FBXO25: variants seen among roughly 807,000 people sequenced by gnomAD.
FBXO25 encodes the protein F-box protein 25, also known as F-box only protein 25.
A neutral mutation model predicts 51.9 loss-of-function variants in FBXO25; 45 were observed. That is an observed-to-expected ratio of 0.87 (90% CI 0.68 to 1.11). The LOEUF (loss-of-function observed/expected upper bound fraction) is 1.11. FBXO25 is among the 50% of genes most tolerant of loss of function. The pLI is 0.00. For synonymous variants in FBXO25, 199 were observed against 151.0 expected (o/e 1.32, Z -2.33); for missense variants, 507 against 428.5 (o/e 1.18, Z -1.62).
chr8:461,912 AGTTT>A (rs1375004650), intron 8 of FBXO25, among the ~76,000 whole-genome samples: 1 of 152,206 alleles, frequency 6.6e-6, no homozygotes, highest in African/African-American at 2.4e-5. Context: ...ATTGACATTT[AGTTT>A]GTTTGATAAA....
At chr8:446,513 C>G (rs1443185348) in intron 5 of FBXO25, among the ~76,000 whole-genome samples, 1 of 152,128 alleles carries the variant, frequency 6.6e-6, no homozygotes, top group African/African-American at 2.4e-5. Flanking sequence ...ATCCGCCAGT[C>G]CAGCTATTAT....
rs530270184 is a variant in FBXO25 at position 470,955 on chromosome 8, G to A, written c.*2151G>A. 1 of 152,108 alleles carries A rather than the reference G, an allele frequency of 6.6e-6. No homozygotes were observed. Among genetic ancestry groups the A allele is most frequent in the Non-Finnish European group, 1.5e-5 (1 of 68,010 alleles). 9.4% of individuals were successfully genotyped at this position (152,108 alleles called of 1,614,324 possible). Reference sequence around the variant, plus strand: ...CTTCTTAAAAGGAAACTATCCTTTTGAAGTTGTGGTTCTTTCCCCTAATTT... The same window carrying A: ...CTTCTTAAAAGGAAACTATCCTTTTAAAGTTGTGGTTCTTTCCCCTAATTT... On this transcript the variant is annotated 3_prime_UTR_variant, in exon 10 of 10. Coordinates refer to ENST00000350302, the MANE Select transcript of FBXO25 (RefSeq NM_183420.2).
intron 9 of FBXO25, among the ~76,000 whole-genome samples, chr8:467,132 A>G (rs1196800464): frequency 3.3e-5 from 5 of 152,122 alleles, no homozygotes; most frequent in Admixed American, 2.0e-4. Flanking sequence ...CCGCTTTGCT[A>G]GTAGCATCCT....
At chr8:407,470 G>A (rs1040879869) in intron 1 of FBXO25, 14 of 980,494 alleles carry the variant, frequency 1.4e-5, no homozygotes, top group Non-Finnish European at 1.7e-5. Context: ...AGCTGCGGGC[G>A]AGTCGGGTGG....
At chr8:407,906 C>G (rs904020765) in intron 1 of FBXO25, among the ~76,000 whole-genome samples, 9 of 152,166 alleles carry the variant, frequency 5.9e-5, no homozygotes, top group African/African-American at 2.2e-4. Context: ...GTCCTTGGGC[C>G]TATTCAAACT....
At position 470,008 on chromosome 8, in the gene FBXO25, T is replaced by C. The variant is rs1343285463; in HGVS notation, c.*1204T>C. 1.3e-5 allele frequency: 2 copies of C among 152,192 alleles called. No individual in the cohort carries two copies. Among genetic ancestry groups the C allele is most frequent in the Non-Finnish European group, 2.9e-5 (2 of 68,038 alleles). The allele number at this position is 152,192 out of a possible 1,614,324, so 9.4% of individuals were successfully genotyped here. On this transcript the variant is annotated 3_prime_UTR_variant, in exon 10 of 10. Transcript: ENST00000350302. ...CAAATACCTGGGGCCTCTGCGAATA[T>C]ATGTTAGTTTTTCATAAGACCATAA... is the stretch of plus-strand genomic sequence containing the variant.
chr8:412,224 C>G (rs1033983580), intron 1 of FBXO25, among the ~76,000 whole-genome samples: 8 of 152,164 alleles, frequency 5.3e-5, no homozygotes, highest in African/African-American at 1.9e-4. Flanking sequence ...TCTCTCCTTT[C>G]CTAATAAAAC....
rs73173393 is a variant in FBXO25, at chr8:473,245, T to C, written c.*4441T>C. 8.8e-3 allele frequency: 1,335 copies of C among 152,410 alleles called. 11 individuals carry two copies. The highest frequency in any genetic ancestry group is 0.015 in the Non-Finnish European group (1,032 of 68,118). 9.4% of individuals were successfully genotyped at this position (152,410 alleles called of 1,614,324 possible). ...TAAATGCCACTGAGCCGGTAGGAGC[T>C]GCTCAGGTGTAGCCTCTGCCTTCAG... On this transcript the variant is annotated 3_prime_UTR_variant, in exon 10 of 10. Transcript: ENST00000350302.
intron 7 of FBXO25, among the ~76,000 whole-genome samples, chr8:454,930 G>C (rs1799332551): frequency 1.3e-5 from 2 of 150,752 alleles, no homozygotes. Flanking sequence ...AATGAGGGGA[G>C]AGTATCCAGG....
At chr8:417,972 C>T (rs1266323660) in intron 2 of FBXO25, among the ~76,000 whole-genome samples, 4 of 152,138 alleles carry the variant, frequency 2.6e-5, no homozygotes, top group Admixed American at 2.0e-4. Context: ...GCCACATTAC[C>T]TTCTGTAATT....
At chr8:457,824 A>G (rs1456350477) in intron 7 of FBXO25, among the ~76,000 whole-genome samples, 1 of 152,194 alleles carries the variant, frequency 6.6e-6, no homozygotes, top group African/African-American at 2.4e-5. Flanking sequence ...ACACCTCAAT[A>G]AAGAAAAAAA....
intron 1 of FBXO25, among the ~76,000 whole-genome samples, chr8:411,934 A>G (rs1796504159): frequency 1.3e-5 from 2 of 152,142 alleles, no homozygotes; most frequent in African/African-American, 4.8e-5. Context: ...TCACCCCCAA[A>G]TATTCATATT....
chr8:472,205 A>G lies in FBXO25; in HGVS notation c.*3401A>G, dbSNP rs11787008. 0.45 allele frequency: 67,796 copies of G among 152,112 alleles called. 17,485 individuals carry two copies. The highest frequency in any genetic ancestry group is 0.72 in the African/African-American group (29,795 of 41,490). The allele number at this position is 152,112 out of a possible 1,614,324, so 9.4% of individuals were successfully genotyped here. ...CTATGATGTTAACCCTGGGTTTTCC[A>G]TACATACCCTCTATTAGGTTGGGGA... On this transcript the variant is annotated 3_prime_UTR_variant, in exon 10 of 10. Coordinates refer to ENST00000350302, the MANE Select transcript of FBXO25 (RefSeq NM_183420.2).
At chr8:422,227 A>C (rs1364311007) in intron 2 of FBXO25, among the ~76,000 whole-genome samples, 3 of 152,230 alleles carry the variant, frequency 2.0e-5, no homozygotes, top group African/African-American at 7.2e-5. Flanking sequence ...TGCCCCAACC[A>C]AGAACTCAAA....
chr8:444,371 C>T (rs541052647), intron 5 of FBXO25, among the ~76,000 whole-genome samples: 13 of 152,272 alleles, frequency 8.5e-5, no homozygotes, highest in African/African-American at 2.4e-4. Flanking sequence ...ACTCCCAGAT[C>T]CAAGGGTGTT....
At chr8:456,114 T>C (rs1799411290) in intron 7 of FBXO25, among the ~76,000 whole-genome samples, 1 of 152,230 alleles carries the variant, frequency 6.6e-6, no homozygotes. Context: ...TTTTTCTCAG[T>C]AGGAATTAGA....
intron 2 of FBXO25, among the ~76,000 whole-genome samples, chr8:415,340 G>A (rs1043844840): frequency 6.6e-6 from 1 of 152,124 alleles, no homozygotes; most frequent in Admixed American, 6.5e-5. Context: ...AAGAAATTAA[G>A]CAATTCAACA....
At chr8:458,198 C>G (rs1030522611) in intron 7 of FBXO25, among the ~76,000 whole-genome samples, 171 bp from the exon 8 acceptor site, 1 of 152,328 alleles carries the variant, frequency 6.6e-6, no homozygotes, top group East Asian at 1.9e-4. Flanking sequence ...CTCCTCCAGC[C>G]TTCCCCACGG....
At position 463,152 on chromosome 8, in the gene FBXO25, T is replaced by G. The variant is rs1233681551; in HGVS notation, c.987+2T>G. ...CACTGCAGCATTCTCTTTTGGAAGG[T>G]ACTGATTTAAATGCACTCTTGGAAT... is the stretch of plus-strand genomic sequence containing the variant. On this transcript the variant is annotated splice_donor_variant, in intron 9 of 9. Transcript: ENST00000350302. LOFTEE classifies it high-confidence loss of function. 1.2e-6 allele frequency: 2 copies of G among 1,609,016 alleles called. No individual in the cohort carries two copies. The highest frequency in any genetic ancestry group is 2.7e-5 in the African/African-American group (2 of 74,704).
Sources: gnomAD v4.1 joint callset for allele counts (sites outside exome capture counted in the v4.1 genomes callset) on GRCh38, gnomAD v4.1.1 for gene constraint, MANE v1.5 for transcripts, NCBI Gene and HGNC (gene_info 2026-07-23, HGNC 2026-07-21) for gene names.